The following ZNRF2 variants were observed in gnomAD, a reference collection of about 807,000 sequenced individuals.
ZNRF2 encodes the protein zinc and ring finger 2.
ZNRF2 carries 16 observed loss-of-function variants against 20.4 expected under a neutral mutation model. The observed-to-expected ratio is 0.79, with a 90% CI of 0.53 to 1.19. ZNRF2 has a LOEUF of 1.19. Ranked by LOEUF, ZNRF2 falls within the 50% of genes most tolerant of loss-of-function variation. ZNRF2 has a pLI of 0.00. For synonymous variants in ZNRF2, 178 were observed against 144.9 expected, an observed-to-expected ratio of 1.23 and a Z score of -1.64; for missense variants, 363 against 332.4, an observed-to-expected ratio of 1.09 and a Z score of -0.72.
At position 30,285,280 on chromosome 7, in the gene ZNRF2, C is replaced by T. The variant is rs892178441; in HGVS notation, c.-78C>T. ...GCCGGCCGCGGCGCCTGGGCCCTGCCCTCTAGCTCCCGCGCTCGCTCCCGC... is the reference window on the plus strand; with the variant it reads ...GCCGGCCGCGGCGCCTGGGCCCTGCTCTCTAGCTCCCGCGCTCGCTCCCGC... On this transcript the variant is annotated 5_prime_UTR_variant, in exon 1 of 5. Transcript: ENST00000323037. 8 of 999,756 alleles carry T rather than the reference C, an allele frequency of 8.0e-6. No individual in the cohort carries two copies. In the African/African-American group the frequency reaches 1.1e-4, roughly 13 times the overall value. The allele number at this position is 999,756 out of a possible 1,614,324, so 61.9% of individuals were successfully genotyped here. A position where few individuals can be genotyped will look rare whatever the true frequency, so the allele number is the denominator to read the frequency against.
chr7:30,291,624 A>T (rs910914181), intron 1 of ZNRF2, among the ~76,000 whole-genome samples: 1 of 152,214 alleles, frequency 6.6e-6, no homozygotes, highest in Non-Finnish European at 1.5e-5. Context: ...AGATGAAAAG[A>T]ACAAGTTTTA....
At chr7:30,341,464 T>G (rs1032977071) in intron 2 of ZNRF2, among the ~76,000 whole-genome samples, 2 of 152,152 alleles carry the variant, frequency 1.3e-5, no homozygotes, top group Non-Finnish European at 2.9e-5. Context: ...TTCAAAGAAC[T>G]TATTTATTTC....
intron 2 of ZNRF2, among the ~76,000 whole-genome samples, chr7:30,334,711 G>A (rs555735846): frequency 2.6e-5 from 4 of 152,246 alleles, no homozygotes; most frequent in African/African-American, 9.6e-5. Context: ...AATATGTAAG[G>A]GTGTAGGGAG....
intron 3 of ZNRF2, among the ~76,000 whole-genome samples, chr7:30,357,922 T>C (rs151241165): frequency 1.3e-5 from 2 of 152,128 alleles, no homozygotes; most frequent in Non-Finnish European, 2.9e-5. Flanking sequence ...CTCATGAACA[T>C]AGATATAACA....
rs189858636 is a variant in ZNRF2 at position 30,315,587 on chromosome 7, T to C, written c.470-8055T>C. ...AAGTTGAGTCTACCTGGCTTGGGAG[T>C]AATTACAGTGAACATGGAGAAGTGT... On this transcript the variant is annotated intron_variant, in intron 1 of 4. Transcript: ENST00000323037. Among the ~76,000 whole-genome samples, 126 of 151,970 alleles carry C rather than the reference T, an allele frequency of 8.3e-4. 3 individuals are homozygous for C. In the East Asian group the frequency reaches 0.024, roughly 29 times the overall value.
chr7:30,316,734 G>C (rs554790226), intron 1 of ZNRF2, among the ~76,000 whole-genome samples: 20 of 152,132 alleles, frequency 1.3e-4, no homozygotes, highest in Non-Finnish European at 2.8e-4. Flanking sequence ...ATAGCAGAAA[G>C]TTTACCTATT....
At chr7:30,308,709 A>G (rs1358005038) in intron 1 of ZNRF2, among the ~76,000 whole-genome samples, 1 of 152,116 alleles carries the variant, frequency 6.6e-6, no homozygotes, top group East Asian at 1.9e-4. Context: ...CTGTTGTTTG[A>G]GAGTTTGTAT....
At chr7:30,304,935 C>T (rs1167752122) in intron 1 of ZNRF2, among the ~76,000 whole-genome samples, 1 of 151,920 alleles carries the variant, frequency 6.6e-6, no homozygotes, top group Non-Finnish European at 1.5e-5. Context: ...TTAAATATAA[C>T]CATCATTAAA....
At chr7:30,353,474 A>G (rs1327276168) in intron 2 of ZNRF2, among the ~76,000 whole-genome samples, 3 of 152,116 alleles carry the variant, frequency 2.0e-5, no homozygotes, top group Non-Finnish European at 2.9e-5. Flanking sequence ...TCTGAATTAC[A>G]CTAAAAAGAT....
In ZNRF2 at chr7:30,285,483, G is replaced by C; in HGVS notation, c.126G>C (p.Arg42=). 9.2e-7 allele frequency: 1 copy of C among 1,088,490 alleles called. No homozygotes were observed. Among genetic ancestry groups the C allele is most frequent in the Non-Finnish European group, 1.1e-6 (1 of 897,312 alleles). The allele number at this position is 1,088,490 out of a possible 1,614,324, so 67.4% of individuals were successfully genotyped here. A position where few individuals can be genotyped will look rare whatever the true frequency, so the allele number is the denominator to read the frequency against. Reference sequence around the variant, plus strand: ...CCGCGGGCGGCGGCGGGGGCGCTCGGGCCGCCGCCGCGGGGAGGTTCCCGG... The same window carrying C: ...CCGCGGGCGGCGGCGGGGGCGCTCGCGCCGCCGCCGCGGGGAGGTTCCCGG... ...NGTAGGGGGA[R]AAAAGRFPAQ... is the part of the protein sequence containing the mutation. The change falls in exon 1 of 5, where the codon CGG becomes CGC. Residue 42 remains arginine (R), a synonymous_variant. Transcript: ENST00000323037.
intron 1 of ZNRF2, among the ~76,000 whole-genome samples, chr7:30,303,263 C>CA (rs747523201): frequency 0.12 from 13,222 of 106,910 alleles, 627 homozygotes; most frequent in Admixed American, 0.17. Flanking sequence ...GATCCTGTCT[C>CA]AAAAAAAAAA....
chr7:30,334,262 G>A (rs1433694676), intron 2 of ZNRF2, among the ~76,000 whole-genome samples: 2 of 151,958 alleles, frequency 1.3e-5, no homozygotes, highest in South Asian at 2.1e-4. Flanking sequence ...TCCTTTCCCT[G>A]TTGTTTATTT....
At chr7:30,292,216 C>T (rs1798924059) in intron 1 of ZNRF2, among the ~76,000 whole-genome samples, 1 of 152,286 alleles carries the variant, frequency 6.6e-6, no homozygotes, top group East Asian at 1.9e-4. Flanking sequence ...TTGAAGTGTT[C>T]TTGTTAACAT....
chr7:30,330,934 T>A (rs913037713), intron 2 of ZNRF2, among the ~76,000 whole-genome samples: 34 of 152,174 alleles, frequency 2.2e-4, no homozygotes, highest in African/African-American at 8.0e-4. Context: ...TGTGGTTGAG[T>A]TTTAACTTAA....
rs531886439 is a variant in ZNRF2 at position 30,362,365 on chromosome 7, G to A, written c.672-12G>A. 3.2e-6 allele frequency: 5 copies of A among 1,561,946 alleles called. No homozygotes were observed. In the Admixed American group the frequency reaches 5.2e-5, roughly 16 times the overall value. On this transcript the variant is annotated splice_polypyrimidine_tract_variant and intron_variant, in intron 3 of 4. Coordinates refer to ENST00000323037, the MANE Select transcript of ZNRF2 (RefSeq NM_147128.4). Reference sequence around the variant, plus strand: ...TAAGTATCTCAATTTTTCTGGTTTTGTTCCTTTCTAGCTGCATAGATGAAT... The same window carrying A: ...TAAGTATCTCAATTTTTCTGGTTTTATTCCTTTCTAGCTGCATAGATGAAT...
intron 1 of ZNRF2, among the ~76,000 whole-genome samples, chr7:30,301,711 A>C (rs1001609056): frequency 1.5e-4 from 23 of 151,736 alleles, no homozygotes; most frequent in African/African-American, 3.1e-4. Context: ...AAAAAAAAAA[A>C]AAAAAAAAAA....
rs550905339 is a variant in ZNRF2 at position 30,355,745 on chromosome 7, G to C, written c.583G>C (p.Asp195His). ...ITYNEDVLSK[D>H]AGECAICLEE... ...TTCTTCAGAGGATGTACTGAGTAAA[G>C]ATGCTGGGGAATGTGCAATATGCCT... The change falls in exon 3 of 5, where the codon GAT becomes CAT. Residue 195 changes from aspartate to histidine, a missense_variant. By Grantham distance (81) the Asp-to-His change is moderately conservative. Around this residue, in one of 2 missense-constraint regions of ZNRF2, gnomAD observed 61 missense variants for 100.9 expected, o/e 0.60. Transcript: ENST00000323037. The C allele has an allele frequency of 8.1e-6, 13 of 1,613,174 alleles. No homozygotes were observed. The East Asian group carries it at 2.5e-4, about 30-fold the overall frequency.
At chr7:30,361,213 TC>T (rs1800121668) in intron 3 of ZNRF2, among the ~76,000 whole-genome samples, 3 of 152,216 alleles carry the variant, frequency 2.0e-5, no homozygotes, top group Admixed American at 6.5e-5. Flanking sequence ...CAGTGGAACT[TC>T]CAGGGCCAAG....
At chr7:30,311,893 A>G (rs1293502521) in intron 1 of ZNRF2, among the ~76,000 whole-genome samples, 2 of 152,146 alleles carry the variant, frequency 1.3e-5, no homozygotes, top group Non-Finnish European at 2.9e-5. Flanking sequence ...TAATCTGTTA[A>G]TGTATATTTA....
Sources: gnomAD v4.1 joint callset for allele counts (sites outside exome capture counted in the v4.1 genomes callset) on GRCh38, gnomAD v4.1.1 for gene constraint, gnomAD v4.1.1 regional missense constraint, MANE v1.5 for transcripts, NCBI Gene and HGNC (gene_info 2026-07-23, HGNC 2026-07-21) for gene names.